Variants in EXOC6B observed in about 807,000 individuals in gnomAD.
The protein encoded by EXOC6B is SEC15 homolog B.
Under a neutral mutation model 113.5 loss-of-function variants are expected in EXOC6B, and 54 were observed. The observed-to-expected ratio is 0.48, with a 90% confidence interval of 0.38 to 0.60. The LOEUF (loss-of-function observed/expected upper bound fraction) is 0.60. Among genes scored for constraint, EXOC6B ranks in the 20% least tolerant of loss-of-function variants. The probability of loss-of-function intolerance (pLI) is 0.00; values close to 1 mark genes in which losing one functional copy is unlikely to be tolerated. For synonymous variants in EXOC6B, 357 were observed against 339.0 expected (o/e 1.05, Z -0.58); for missense variants, 797 against 977.5 (o/e 0.82, Z 2.46).
In EXOC6B at chr2:72,223,680, C is replaced by CCGTTTTT. The variant is rs1164903678; in HGVS notation, c.2197-39494_2197-39493insAAAAACG. ...GAAGGCTCTCAGACCTAGTGAAGGCCTGTTTTTTGTTTGTTTGTTTGTTTG... is the reference window on the plus strand; with the variant it reads ...GAAGGCTCTCAGACCTAGTGAAGGCCCGTTTTTTGTTTTTTGTTTGTTTGTTTGTTTG... On this transcript the variant is annotated intron_variant, in intron 20 of 21. Coordinates refer to ENST00000272427, the MANE Select transcript of EXOC6B (RefSeq NM_015189.3). 1.2e-3 allele frequency among the ~76,000 whole-genome samples: 169 copies of CCGTTTTT among 138,538 alleles called. 1 individual carries two copies. The highest frequency in any genetic ancestry group is 4.9e-3 in the African/African-American group (159 of 32,440). The allele number at this position is 138,538 out of a possible 152,430, so 90.9% of individuals were successfully genotyped here.
rs753010411 is a variant in EXOC6B at position 72,269,495 on chromosome 2, CA to C, written c.2196+65451del. On this transcript the variant is annotated intron_variant, in intron 20 of 21. Transcript: ENST00000272427. The stretch of plus-strand genomic sequence containing the variant: ...TGGTTCCAGGCAAGGTCACTGGAGA[CA>C]GCAGGTAAAACAAGATAACAATTAA... Among the ~76,000 whole-genome samples the C allele has an allele frequency of 1.1e-3, 167 of 152,266 alleles. 1 individual carries two copies. The highest frequency in any genetic ancestry group is 1.7e-3 in the Non-Finnish European group (117 of 68,016).
intron 20 of EXOC6B, among the ~76,000 whole-genome samples, chr2:72,312,455 A>T (rs1395969088): frequency 6.6e-6 from 1 of 152,186 alleles, no homozygotes; most frequent in Non-Finnish European, 1.5e-5. Flanking sequence ...CTACTAAATA[A>T]ATGCCATCTT....
chr2:72,383,588 G>A (rs1691820395), intron 18 of EXOC6B, among the ~76,000 whole-genome samples: 1 of 151,994 alleles, frequency 6.6e-6, no homozygotes, highest in Admixed American at 6.6e-5. Flanking sequence ...AAAGCAGTGT[G>A]GTGATTCCTC....
At chr2:72,641,018 T>C (rs1198062673) in intron 6 of EXOC6B, among the ~76,000 whole-genome samples, 6 of 152,142 alleles carry the variant, frequency 3.9e-5, no homozygotes, top group Admixed American at 2.6e-4. Flanking sequence ...CACACAATAA[T>C]AGTGGAAGAC....
In EXOC6B at chr2:72,388,831, C is replaced by A. The variant is rs187441466; in HGVS notation, c.1981-8961G>T. ...AATTTTTATCCCTAGAATAATCCTG[C>A]TTCTTAGGTCTACTTTACCAGACAT... On this transcript the variant is annotated intron_variant, in intron 18 of 21. Coordinates refer to ENST00000272427, the MANE Select transcript of EXOC6B (RefSeq NM_015189.3). Among the ~76,000 whole-genome samples the A allele has an allele frequency of 1.8e-3, 267 of 152,182 alleles. 2 individuals carry two copies. The highest frequency in any genetic ancestry group is 2.3e-3 in the Non-Finnish European group (158 of 67,986).
chr2:72,333,480 T>G (rs2104874074), intron 20 of EXOC6B, among the ~76,000 whole-genome samples: 1 of 152,236 alleles, frequency 6.6e-6, no homozygotes, highest in South Asian at 2.1e-4. Context: ...TAGAAGTTTC[T>G]GAGAAGAAAC....
chr2:72,613,622 T>G (rs1480928953), intron 6 of EXOC6B, among the ~76,000 whole-genome samples: 1 of 151,882 alleles, frequency 6.6e-6, no homozygotes, highest in South Asian at 2.1e-4. Context: ...TTACTTAATA[T>G]CAAATGATAA....
intron 6 of EXOC6B, among the ~76,000 whole-genome samples, chr2:72,636,508 G>A (rs926778863): frequency 2.2e-5 from 3 of 133,516 alleles, no homozygotes; most frequent in African/African-American, 1.2e-4. Context: ...AGGAGGAGGA[G>A]AGAAAGAAGG....
In EXOC6B at chr2:72,334,972, T is replaced by G. The variant is rs111624023; in HGVS notation, c.2171A>C (p.Gln724Pro). The G allele has an allele frequency of 5.6e-6, 9 of 1,613,362 alleles. No individual in the cohort carries two copies. The highest frequency in any genetic ancestry group is 7.6e-6 in the Non-Finnish European group (9 of 1,179,522). The change falls in exon 20 of 22, where the codon CAG becomes CCG. Residue 724 changes from glutamine to proline, a missense_variant. By Grantham distance (76) the Gln-to-Pro change is moderately conservative. Transcript: ENST00000272427. Reference sequence around the variant, plus strand: ...TTGTCTCAAGTCGATGAAGGCCAACTGCAGCGTGTCCTCCTGGAACCCAGG... The same window carrying G: ...TTGTCTCAAGTCGATGAAGGCCAACGGCAGCGTGTCCTCCTGGAACCCAGG... ...PVPGFQEDTL[Q>P]LAFIDLRQLL...
intron 20 of EXOC6B, among the ~76,000 whole-genome samples, chr2:72,237,214 C>T (rs1034196951): frequency 6.6e-6 from 1 of 152,154 alleles, no homozygotes; most frequent in African/African-American, 2.4e-5. Flanking sequence ...AAACATTAAA[C>T]TCCTGAAGTT....
intron 19 of EXOC6B, among the ~76,000 whole-genome samples, chr2:72,365,528 C>A (rs1318214134): frequency 6.6e-6 from 1 of 152,110 alleles, no homozygotes; most frequent in Non-Finnish European, 1.5e-5. Flanking sequence ...AGGGAGAGAA[C>A]TGAAACAGAA....
intron 20 of EXOC6B, among the ~76,000 whole-genome samples, chr2:72,226,440 T>TA (rs1681245768): frequency 6.6e-6 from 1 of 151,990 alleles, no homozygotes; most frequent in South Asian, 2.1e-4. Flanking sequence ...AAAGTTTATT[T>TA]AAAAAAACAG....
At chr2:72,435,800 G>A (rs772592749) in intron 18 of EXOC6B, among the ~76,000 whole-genome samples, 5 of 151,036 alleles carry the variant, frequency 3.3e-5, no homozygotes, top group South Asian at 2.1e-4. Flanking sequence ...GTCTTTGCAC[G>A]TGAGATGGAT....
chr2:72,494,902 A>G (rs1407086664), intron 15 of EXOC6B, among the ~76,000 whole-genome samples: 1 of 152,236 alleles, frequency 6.6e-6, no homozygotes, highest in Non-Finnish European at 1.5e-5. Flanking sequence ...CCTACACTCT[A>G]GCACGTATAG....
At chr2:72,503,226 G>C (rs1700423351) in intron 11 of EXOC6B, among the ~76,000 whole-genome samples, 1 of 152,034 alleles carries the variant, frequency 6.6e-6, no homozygotes, top group African/African-American at 2.4e-5. Context: ...GTTTACATTA[G>C]GGTTTACTCT....
intron 6 of EXOC6B, among the ~76,000 whole-genome samples, chr2:72,628,815 A>G (rs935415570): frequency 6.6e-6 from 1 of 152,204 alleles, no homozygotes; most frequent in African/African-American, 2.4e-5. Context: ...TTGAGACTAC[A>G]TACAGTACGT....
intron 1 of EXOC6B, among the ~76,000 whole-genome samples, chr2:72,809,557 A>G (rs1685761705): frequency 6.6e-6 from 1 of 152,236 alleles, no homozygotes; most frequent in Non-Finnish European, 1.5e-5. Flanking sequence ...CAGGAAGGAA[A>G]TAATAAAATA....
rs376609241 is a variant in EXOC6B, at chr2:72,694,556, T to G, written c.669+23547A>C. Among the ~76,000 whole-genome samples, 328 of 152,332 alleles carry G rather than the reference T, an allele frequency of 2.2e-3. 4 individuals carry two copies. The South Asian group carries it at 0.032, about 15-fold the overall frequency. ...CCACCTCCATATTTTTGGTCCAAGT[T>G]AGATTTTTAAACAAATGTTCAATGG... On this transcript the variant is annotated intron_variant, in intron 6 of 21. Coordinates refer to ENST00000272427, the MANE Select transcript of EXOC6B (RefSeq NM_015189.3).
intron 6 of EXOC6B, among the ~76,000 whole-genome samples, chr2:72,664,300 A>T (rs1675230913): frequency 1.3e-5 from 2 of 152,068 alleles, no homozygotes; most frequent in African/African-American, 2.4e-5. Flanking sequence ...CTCAGTAGAG[A>T]GGCAATGAAG....
Sources: allele counts gnomAD v4.1 joint callset (sites outside exome capture counted in the v4.1 genomes callset), GRCh38; gene constraint gnomAD v4.1.1; transcripts MANE v1.5; gene names NCBI Gene and HGNC (gene_info 2026-07-23, HGNC 2026-07-21).